Variants in RAD51B observed in about 807,000 individuals in gnomAD.
RAD51B encodes DNA repair protein RAD51 homolog 2.
Under a neutral mutation model 42.2 loss-of-function variants are expected in RAD51B, and 38 were observed. The observed-to-expected ratio is 0.90, with a 90% CI of 0.70 to 1.18. RAD51B has a LOEUF of 1.18. Among genes scored for constraint, RAD51B ranks in the 50% most tolerant of loss-of-function variants. The pLI, the probability that RAD51B is intolerant of heterozygous loss-of-function variation, is 0.00. For synonymous variants in RAD51B, 154 were observed against 145.2 expected, an observed-to-expected ratio of 1.06 and a Z score of -0.43; for missense variants, 373 against 400.7, an observed-to-expected ratio of 0.93 and a Z score of 0.59.
chr14:68,163,365 C>T (rs1217279541), intron 7 of RAD51B, among the ~76,000 whole-genome samples: 1 of 152,158 alleles, frequency 6.6e-6, no homozygotes, highest in Non-Finnish European at 1.5e-5. Flanking sequence ...CCTTATCAGA[C>T]CCAACCCAGA....
At chr14:68,480,762 T>G (rs1007580656), downstream of RAD51B, among the ~76,000 whole-genome samples, 8 of 152,234 alleles carry the variant, frequency 5.3e-5, no homozygotes, top group African/African-American at 1.9e-4. Context: ...TGCTGTCTCT[T>G]TCCTTGTTTT....
At chr14:67,982,564 A>T (rs892336468) in intron 7 of RAD51B, among the ~76,000 whole-genome samples, 2 of 152,132 alleles carry the variant, frequency 1.3e-5, no homozygotes, top group East Asian at 1.9e-4. Flanking sequence ...CCAATACTTC[A>T]GTCTTTCATT....
intron 7 of RAD51B, chr14:68,125,437 T>A (rs926141430): frequency 1.3e-5 from 2 of 152,206 alleles, no homozygotes; most frequent in African/African-American, 4.8e-5. Context: ...ACGCAGTCGT[T>A]CATAAGTAGC....
At chr14:67,893,242 G>A (rs73280483) in intron 7 of RAD51B, among the ~76,000 whole-genome samples, 441 of 152,106 alleles carry the variant, frequency 2.9e-3, no homozygotes, top group African/African-American at 1.0e-2. Context: ...ATTAGGAGAA[G>A]CTGGGTGAAG....
At chr14:67,976,514 G>C (rs1177506123) in intron 7 of RAD51B, among the ~76,000 whole-genome samples, 1 of 151,794 alleles carries the variant, frequency 6.6e-6, no homozygotes, top group African/African-American at 2.4e-5. Context: ...ACAACGTGCA[G>C]GTTTGTTACA....
chr14:68,543,491 C>A (rs1471970521), intron 10 of RAD51B, among the ~76,000 whole-genome samples: 1 of 152,042 alleles, frequency 6.6e-6, no homozygotes, highest in Non-Finnish European at 1.5e-5. Context: ...GAGAAAAATT[C>A]TTCGGTTGGG....
intron 10 of RAD51B, among the ~76,000 whole-genome samples, chr14:68,633,275 T>C (rs1892273817): frequency 6.6e-6 from 1 of 152,168 alleles, no homozygotes; most frequent in Admixed American, 6.5e-5. Flanking sequence ...AACCTGATTC[T>C]TTTCCTGTGA....
At chr14:68,563,778 G>A (rs1348490029) in intron 10 of RAD51B, 1 of 985,346 alleles carries the variant, frequency 1.0e-6, no homozygotes, top group Non-Finnish European at 1.2e-6. Context: ...GGCGTAACCT[G>A]ATTTTCCGTA....
At chr14:67,843,580 T>C (rs2041507399) in intron 4 of RAD51B, 1 of 152,172 alleles carries the variant, frequency 6.6e-6, no homozygotes, top group Non-Finnish European at 1.5e-5. Flanking sequence ...TGGTTCAATT[T>C]TGGGAGGTTG....
intron 7 of RAD51B, among the ~76,000 whole-genome samples, chr14:68,045,260 A>AAG (rs1199842142): frequency 6.6e-6 from 1 of 150,696 alleles, no homozygotes; most frequent in African/African-American, 2.4e-5. Context: ...AAAAAAAAAA[A>AAG]AAAGAAAAGA....
chr14:68,382,493 C>G (rs2083500213), intron 8 of RAD51B, among the ~76,000 whole-genome samples: 1 of 117,702 alleles, frequency 8.5e-6, no homozygotes, highest in Non-Finnish European at 2.0e-5. Flanking sequence ...ACTGCAAATA[C>G]AAATTATTTA....
intron 4 of RAD51B, among the ~76,000 whole-genome samples, chr14:67,863,094 A>G (rs1023562113): frequency 2.0e-5 from 3 of 151,858 alleles, no homozygotes; most frequent in Non-Finnish European, 4.4e-5. Context: ...TTTATTCTTA[A>G]AGTCTAAATG....
intron 8 of RAD51B, among the ~76,000 whole-genome samples, chr14:68,292,921 C>A (rs916835585): frequency 6.6e-6 from 1 of 152,196 alleles, no homozygotes; most frequent in African/African-American, 2.4e-5. Flanking sequence ...ATCATCATAA[C>A]CCCTATCAGC....
intron 7 of RAD51B, among the ~76,000 whole-genome samples, chr14:68,010,799 G>A (rs2075671204): frequency 6.6e-6 from 1 of 151,676 alleles, no homozygotes; most frequent in Admixed American, 6.6e-5. Context: ...GTAAAATTTA[G>A]GTTTTATATA....
chr14:68,375,288 G>T (rs2083344544), intron 8 of RAD51B, among the ~76,000 whole-genome samples: 2 of 152,048 alleles, frequency 1.3e-5, no homozygotes, highest in Admixed American at 1.3e-4. Context: ...TGGGTGAGGT[G>T]GGGGAGCTCT....
intron 11 of RAD51B, among the ~76,000 whole-genome samples, chr14:68,663,383 T>C (rs776173282): frequency 2.0e-5 from 3 of 152,110 alleles, no homozygotes; most frequent in Non-Finnish European, 4.4e-5. Flanking sequence ...GGTTCTACTG[T>C]AATGGGCCCT....
intron 4 of RAD51B, among the ~76,000 whole-genome samples, chr14:67,843,740 T>TG (rs1202726532): frequency 1.3e-5 from 2 of 151,052 alleles, no homozygotes; most frequent in East Asian, 3.9e-4. Context: ...TGGATCTTTT[T>TG]TTTTCTTATT....
chr14:67,930,426 G>T (rs73282427), intron 7 of RAD51B, among the ~76,000 whole-genome samples: 3,807 of 152,038 alleles, frequency 0.025, 159 homozygotes, highest in African/African-American at 0.087. Context: ...GCTTAGAAAA[G>T]ACTTTATTTC....
At chr14:68,158,199 G>A (rs935154455) in intron 7 of RAD51B, among the ~76,000 whole-genome samples, 12 of 151,998 alleles carry the variant, frequency 7.9e-5, no homozygotes, top group African/African-American at 9.7e-5. Flanking sequence ...TGTATGAATC[G>A]GAAGGAAAAT....
Sources: allele counts gnomAD v4.1 joint callset (sites outside exome capture counted in the v4.1 genomes callset), GRCh38; gene constraint gnomAD v4.1.1; transcripts MANE v1.5; gene names NCBI Gene and HGNC (gene_info 2026-07-23, HGNC 2026-07-21).